NETO1: variants seen among roughly 807,000 people sequenced by gnomAD.
NETO1 encodes neuropilin and tolloid-like protein 1.
Under a neutral mutation model 61.3 loss-of-function variants are expected in NETO1, and 26 were observed. That is an observed-to-expected ratio of 0.42 (90% CI 0.31 to 0.59). NETO1 has a LOEUF of 0.59. NETO1 is among the 20% of genes least tolerant of loss of function. The pLI, the probability that NETO1 is intolerant of heterozygous loss-of-function variation, is 0.12. For synonymous variants in NETO1, 225 were observed against 225.8 expected (o/e 1.00, Z 0.03); for missense variants, 531 against 662.8 (o/e 0.80, Z 2.18).
At chr18:72,794,067 G>C in intron 6 of NETO1, 50 bp downstream of exon 6, 1 of 1,611,486 alleles carries the variant, frequency 6.2e-7, no homozygotes, top group Non-Finnish European at 8.5e-7. Flanking sequence ...GCTTGTTATA[G>C]ACACTTCTCA....
At chr18:72,825,692 C>A (rs1280639959) in intron 4 of NETO1, among the ~76,000 whole-genome samples, 1 of 152,090 alleles carries the variant, frequency 6.6e-6, no homozygotes, top group Admixed American at 6.5e-5. Flanking sequence ...ACTTTGAGTG[C>A]AGGCCAAAAG....
intron 4 of NETO1, among the ~76,000 whole-genome samples, chr18:72,850,960 C>T (rs555358768): frequency 2.0e-5 from 3 of 152,292 alleles, no homozygotes; most frequent in East Asian, 1.9e-4. Context: ...TCTGAATGTG[C>T]ATGGAACGAG....
intron 5 of NETO1, 59 bp downstream of exon 5, chr18:72,794,304 T>G (rs1446789347): frequency 5.0e-6 from 8 of 1,613,696 alleles, no homozygotes; most frequent in Non-Finnish European, 6.8e-6. Flanking sequence ...AAACCAAAAG[T>G]GTATTTCATA....
intron 4 of NETO1, among the ~76,000 whole-genome samples, chr18:72,817,054 C>T (rs376441983): frequency 2.0e-5 from 3 of 152,202 alleles, no homozygotes; most frequent in Non-Finnish European, 4.4e-5. Context: ...AGCAATTCCT[C>T]GTCTCCCTTT....
chr18:72,806,099 C>T (rs938512983), intron 4 of NETO1, among the ~76,000 whole-genome samples: 1 of 152,202 alleles, frequency 6.6e-6, no homozygotes, highest in East Asian at 1.9e-4. Context: ...ACATTACCTA[C>T]GACGTCCTTT....
intron 8 of NETO1, among the ~76,000 whole-genome samples, chr18:72,755,362 A>G (rs941501839): frequency 2.1e-4 from 32 of 152,174 alleles, no homozygotes; most frequent in African/African-American, 7.7e-4. Context: ...TTCAAGCATG[A>G]AAGAGTTATT....
chr18:72,813,960 G>C (rs1318502896), intron 4 of NETO1, among the ~76,000 whole-genome samples: 1 of 152,030 alleles, frequency 6.6e-6, no homozygotes, highest in Non-Finnish European at 1.5e-5. Context: ...TGGTAATTAG[G>C]TTGATACCTG....
chr18:72,865,106 T>C (rs1180348152), intron 2 of NETO1, 82 bp downstream of exon 2: 6 of 1,452,650 alleles, frequency 4.1e-6, no homozygotes, highest in Non-Finnish European at 5.7e-6. Context: ...TCAGATATTC[T>C]GGAATATTAA....
rs139115866 is a variant in NETO1 at position 72,794,225 on chromosome 18, G to T, written c.531C>A (p.Gly177=). Reference sequence around the variant, plus strand: ...TAGACTCCACAATTCCTTCGGAACCGCCCATCTCAAACTCACACGCTAAAT... The same window carrying T: ...TAGACTCCACAATTCCTTCGGAACCTCCCATCTCAAACTCACACGCTAAAT... ...KPLPACEFEM[G]GSEGIVESIQ... is the part of the protein sequence containing the mutation. The change falls in exon 6 of 11, where the codon GGC becomes GGA. Residue 177 remains glycine (G), a synonymous_variant. Transcript: ENST00000327305. 6 of 1,614,022 alleles carry T rather than the reference G, an allele frequency of 3.7e-6. No homozygotes were observed. The highest frequency in any genetic ancestry group is 1.7e-5 in the Admixed American group (1 of 59,996).
At chr18:72,838,215 T>C (rs929613947) in intron 4 of NETO1, among the ~76,000 whole-genome samples, 24 of 152,168 alleles carry the variant, frequency 1.6e-4, no homozygotes, top group African/African-American at 5.8e-4. Context: ...GGAGAAAAAG[T>C]TTGTACCTTT....
chr18:72,856,330 A>C (rs917701262), intron 4 of NETO1, among the ~76,000 whole-genome samples: 4 of 152,172 alleles, frequency 2.6e-5, no homozygotes, highest in Admixed American at 6.5e-5. Context: ...TAGACTAAAA[A>C]AAGTGACGTA....
chr18:72,835,399 C>T lies in NETO1; in HGVS notation c.469+23427G>A, dbSNP rs2073712764. 3 of 1,244,672 alleles carry T rather than the reference C, an allele frequency of 2.4e-6. No homozygotes were observed. The Admixed American group carries it at 5.4e-5, about 23-fold the overall frequency. 77.1% of individuals were successfully genotyped at this position (1,244,672 alleles called of 1,614,324 possible). ...ATGAATTGTAGGAAGTCCACTTTAA[C>T]AGCTGTTTGGGTAATACAGGAGGAG... On this transcript the variant is annotated intron_variant, in intron 4 of 10. Transcript: ENST00000327305.
At chr18:72,785,967 T>C (rs1050688233) in intron 6 of NETO1, among the ~76,000 whole-genome samples, 12 of 152,204 alleles carry the variant, frequency 7.9e-5, no homozygotes, top group African/African-American at 2.7e-4. Context: ...TTATAGGTTA[T>C]ATGTCCCTTC....
chr18:72,760,013 C>T (rs910143986), intron 7 of NETO1, among the ~76,000 whole-genome samples: 2 of 152,170 alleles, frequency 1.3e-5, no homozygotes, highest in African/African-American at 4.8e-5. Flanking sequence ...ACACTAAGAA[C>T]ATAGATGGAA....
At chr18:72,858,802 T>A (rs753920032) in intron 4 of NETO1, 24 bp downstream of exon 4, 23 of 1,457,244 alleles carry the variant, frequency 1.6e-5, no homozygotes, top group South Asian at 4.0e-5. Context: ...GAAAAAGAAA[T>A]TTTTTTTTTA....
At chr18:72,789,210 G>GCGCA (rs1555687344) in intron 6 of NETO1, among the ~76,000 whole-genome samples, 24 of 141,460 alleles carry the variant, frequency 1.7e-4, no homozygotes, top group South Asian at 4.7e-4. Context: ...TAACACACAA[G>GCGCA]CACACACACA....
intron 1 of NETO1, 187 bp downstream of exon 1, chr18:72,867,077 C>A: frequency 2.1e-6 from 1 of 480,426 alleles, no homozygotes; most frequent in Non-Finnish European, 3.5e-6. Flanking sequence ...GACGGCTGAC[C>A]GCGCGCCGCC....
intron 7 of NETO1, among the ~76,000 whole-genome samples, chr18:72,772,540 T>C (rs898244064): frequency 1.3e-5 from 2 of 151,878 alleles, no homozygotes; most frequent in Admixed American, 6.6e-5. Flanking sequence ...GGGAGAGGCA[T>C]AGAATTCTAG....
In NETO1 at chr18:72,747,547, G is replaced by T. The variant is rs2070457231; in HGVS notation, c.*632C>A. 1 of 151,942 alleles carries T rather than the reference G, an allele frequency of 6.6e-6. No individual in the cohort carries two copies. The highest frequency in any genetic ancestry group is 2.1e-4 in the South Asian group (1 of 4,824). The allele number at this position is 151,942 out of a possible 1,614,324, so 9.4% of individuals were successfully genotyped here. On this transcript the variant is annotated 3_prime_UTR_variant, in exon 11 of 11. Transcript: ENST00000327305. ...ATATAAAACAAAAAGGAAATCAGGG[G>T]TATACAGGAAAGACCAAAAAATGAA...
Sources: gnomAD v4.1 joint callset for allele counts (sites outside exome capture counted in the v4.1 genomes callset) on GRCh38, gnomAD v4.1.1 for gene constraint, MANE v1.5 for transcripts, NCBI Gene and HGNC (gene_info 2026-07-23, HGNC 2026-07-21) for gene names.